The following ATF7IP variants were observed in gnomAD, a reference collection of about 807,000 sequenced individuals.
ATF7IP encodes activating transcription factor 7-interacting protein 1.
ATF7IP carries 23 observed loss-of-function variants against 106.4 expected under a neutral mutation model. The ratio of observed to expected loss-of-function variants is 0.22; its 90% CI spans 0.16 to 0.31. The LOEUF (loss-of-function observed/expected upper bound fraction) is 0.31, where lower values mean the gene tolerates loss of function less well. ATF7IP is among the 10% of genes least tolerant of loss of function. The pLI is 1.00. For missense variants in ATF7IP, 1,334 were observed against 1,524.3 expected (o/e 0.88, Z 2.08); for synonymous variants, 542 against 539.0 (o/e 1.01, Z -0.08).
At chr12:14,413,558 G>C (rs185979916) in intron 1 of ATF7IP, among the ~76,000 whole-genome samples, 7 of 152,090 alleles carry the variant, frequency 4.6e-5, no homozygotes, top group African/African-American at 1.7e-4. Context: ...TTGGGTGTCT[G>C]CTTTACCTTA....
intron 8 of ATF7IP, 90 bp from the exon 9 acceptor site, chr12:14,460,405 C>T (rs567102211): frequency 2.7e-5 from 34 of 1,278,476 alleles, no homozygotes; most frequent in Middle Eastern, 4.0e-4. Flanking sequence ...CAATGTATTA[C>T]GCAATGTATT....
chr12:14,493,678 C>T (rs1398273512), intron 13 of ATF7IP, among the ~76,000 whole-genome samples: 1 of 152,114 alleles, frequency 6.6e-6, no homozygotes, highest in African/African-American at 2.4e-5. Context: ...GTTTCAGGGT[C>T]CCATTCTTTT....
At chr12:14,452,922 A>G (rs1174415857) in intron 6 of ATF7IP, among the ~76,000 whole-genome samples, 1 of 152,122 alleles carries the variant, frequency 6.6e-6, no homozygotes, top group Non-Finnish European at 1.5e-5. Context: ...GCTTTTACTA[A>G]TCTGGGAAAA....
intron 1 of ATF7IP, among the ~76,000 whole-genome samples, chr12:14,402,283 A>G (rs1026432466): frequency 6.6e-6 from 1 of 151,504 alleles, no homozygotes; most frequent in Non-Finnish European, 1.5e-5. Flanking sequence ...ACATGTCACT[A>G]TACCTGGCTA....
chr12:14,483,620 G>A lies in ATF7IP; in HGVS notation c.3280+2435G>A, dbSNP rs144988336. Among the ~76,000 whole-genome samples, 74 of 152,212 alleles carry A rather than the reference G, an allele frequency of 4.9e-4. No individual in the cohort carries two copies. The South Asian group carries it at 0.011, about 22-fold the overall frequency. On this transcript the variant is annotated intron_variant, in intron 13 of 14. Transcript: ENST00000261168. ...ATCCCTAGGGGTGAAGGTGAGTGGT[G>A]CTACTTCCACTTCCACCCCCTGATT...
chr12:14,494,036 T>C (rs1944915030), intron 13 of ATF7IP, among the ~76,000 whole-genome samples: 1 of 151,812 alleles, frequency 6.6e-6, no homozygotes, highest in African/African-American at 2.4e-5. Context: ...CCACAAGCAG[T>C]GAATCAGGAG....
chr12:14,463,168 GATTA>G (rs994117125), intron 9 of ATF7IP, among the ~76,000 whole-genome samples: 1 of 151,922 alleles, frequency 6.6e-6, no homozygotes, highest in African/African-American at 2.4e-5. Flanking sequence ...AGTAGTTTGT[GATTA>G]ATTAATTAGG....
chr12:14,463,462 A>G (rs1429971971), intron 9 of ATF7IP, among the ~76,000 whole-genome samples: 1 of 152,216 alleles, frequency 6.6e-6, no homozygotes, highest in Non-Finnish European at 1.5e-5. Context: ...AATAGTCACT[A>G]TGATCTCACC....
Position 14,424,498 on chromosome 12 carries a change from A to G in ATF7IP, c.583A>G (p.Thr195Ala). ...SPGDATSGDA[T>A]ADDLSSGDPT... is the part of the protein sequence containing the mutation. Reference sequence around the variant, plus strand: ...TGGTGATGCCACCTCTGGTGATGCCACTGCTGATGATCTCTCCTCTGGTGA... The same window carrying G: ...TGGTGATGCCACCTCTGGTGATGCCGCTGCTGATGATCTCTCCTCTGGTGA... The change falls in exon 2 of 15, where the codon ACT (threonine) becomes GCT (alanine). Residue 195 changes from threonine to alanine, a missense_variant. By Grantham distance (58) the Thr-to-Ala change is moderately conservative. Coordinates refer to ENST00000261168, the MANE Select transcript of ATF7IP (RefSeq NM_018179.5). 1 of 1,613,836 alleles carries G rather than the reference A, an allele frequency of 6.2e-7. No individual in the cohort carries two copies. The highest frequency in any genetic ancestry group is 8.5e-7 in the Non-Finnish European group (1 of 1,179,922).
Position 14,500,173 on chromosome 12 carries a change from G to A in ATF7IP, c.*2100G>A, listed in dbSNP as rs1365103874. ...TTCATTTTTCCTAGAATTACAGGAG[G>A]GAGCTCTTTTACTAATGTTGTTTTG... On this transcript the variant is annotated 3_prime_UTR_variant, in exon 15 of 15. Coordinates refer to ENST00000261168, the MANE Select transcript of ATF7IP (RefSeq NM_018179.5). 6.6e-6 allele frequency: 1 copy of A among 152,090 alleles called. No homozygotes were observed. The highest frequency in any genetic ancestry group is 2.4e-5 in the African/African-American group (1 of 41,402). 9.4% of individuals were successfully genotyped at this position (152,090 alleles called of 1,614,324 possible).
chr12:14,422,161 A>C (rs536810721), intron 1 of ATF7IP, among the ~76,000 whole-genome samples: 1 of 152,148 alleles, frequency 6.6e-6, no homozygotes, highest in Non-Finnish European at 1.5e-5. Flanking sequence ...TCCAAGAAAA[A>C]GTAAGTGAAA....
chr12:14,438,180 A>G lies in ATF7IP; in HGVS notation c.1842A>G (p.Val614=), dbSNP rs1942503568. 1 of 1,613,272 alleles carries G rather than the reference A, an allele frequency of 6.2e-7. No individual in the cohort carries two copies. Among genetic ancestry groups the G allele is most frequent in the African/African-American group, 1.3e-5 (1 of 74,908 alleles). Residue 614 remains valine (V), a synonymous_variant, in exon 5 of 15, where the codon GTA becomes GTG. Transcript: ENST00000261168. ...EEKLCALQCA[V]FDKTLAELKT... ...AATTGTGTGCGCTGCAGTGTGCTGTATTTGATAAGACTTTGGCAGAATTGA... is the reference window on the plus strand; with the variant it reads ...AATTGTGTGCGCTGCAGTGTGCTGTGTTTGATAAGACTTTGGCAGAATTGA...
chr12:14,482,653 C>T (rs1214171408), intron 13 of ATF7IP: 1 of 152,174 alleles, frequency 6.6e-6, no homozygotes, highest in African/African-American at 2.4e-5. Context: ...CTGCCTTCCC[C>T]AGCCCACTGA....
Position 14,502,373 on chromosome 12 carries a change from A to G in ATF7IP, c.*4300A>G, listed in dbSNP as rs1945182363. ...ACTCATTCATCCCCTTGAGCCAGCC[A>G]ATGGGGAGGAATAGGATAATGCAAA... On this transcript the variant is annotated 3_prime_UTR_variant, in exon 15 of 15. Coordinates refer to ENST00000261168, the MANE Select transcript of ATF7IP (RefSeq NM_018179.5). 1 of 152,164 alleles carries G rather than the reference A, an allele frequency of 6.6e-6. No individual in the cohort carries two copies. Among genetic ancestry groups the G allele is most frequent in the Admixed American group, 6.5e-5 (1 of 15,276 alleles). The allele number at this position is 152,164 out of a possible 1,614,324, so 9.4% of individuals were successfully genotyped here.
At chr12:14,406,052 A>G (rs1940560977) in intron 1 of ATF7IP, among the ~76,000 whole-genome samples, 1 of 152,202 alleles carries the variant, frequency 6.6e-6, no homozygotes, top group South Asian at 2.1e-4. Flanking sequence ...GACATGTTTA[A>G]AGTGATATTT....
chr12:14,452,367 A>G (rs916248702), intron 6 of ATF7IP, among the ~76,000 whole-genome samples: 1 of 151,900 alleles, frequency 6.6e-6, no homozygotes, highest in Non-Finnish European at 1.5e-5. Flanking sequence ...GAAGGGACTT[A>G]TTGTTGTCAT....
intron 1 of ATF7IP, among the ~76,000 whole-genome samples, chr12:14,366,520 G>A (rs535658042): frequency 3.9e-5 from 6 of 152,292 alleles, no homozygotes; most frequent in Admixed American, 6.5e-5. Context: ...CAGTATAATC[G>A]AAAATGAAAT....
chr12:14,465,393 A>G (rs187695402), intron 9 of ATF7IP, among the ~76,000 whole-genome samples: 20 of 152,084 alleles, frequency 1.3e-4, no homozygotes, highest in Admixed American at 2.6e-4. Flanking sequence ...AATCACTGAT[A>G]TTTTGGTAAT....
chr12:14,391,142 A>C (rs79900388), intron 1 of ATF7IP, among the ~76,000 whole-genome samples: 175 of 152,356 alleles, frequency 1.1e-3, no homozygotes, highest in Middle Eastern at 3.4e-3. Context: ...CTCAGGTTAG[A>C]ACTCTCACAA....
Sources: gnomAD v4.1 joint callset for allele counts (sites outside exome capture counted in the v4.1 genomes callset) on GRCh38, gnomAD v4.1.1 for gene constraint, MANE v1.5 for transcripts, NCBI Gene and HGNC (gene_info 2026-07-23, HGNC 2026-07-21) for gene names.